The following SGCZ variants were observed in gnomAD, a reference collection of about 807,000 sequenced individuals.
The protein encoded by SGCZ is sarcoglycan zeta, also known as zeta-sarcoglycan.
In SGCZ, 40 loss-of-function variants were observed where a neutral mutation model predicts 41.3. That is an observed-to-expected ratio of 0.97 (90% CI 0.75 to 1.26). SGCZ has a LOEUF of 1.26. Among genes scored for constraint, SGCZ ranks in the 50% most tolerant of loss-of-function variants. SGCZ has a pLI of 0.00. For synonymous variants in SGCZ, 206 were observed against 137.5 expected (o/e 1.50, Z -3.49); for missense variants, 552 against 369.8 (o/e 1.49, Z -4.04).
chr8:14,519,277 T>C (rs1419352935), intron 2 of SGCZ, among the ~76,000 whole-genome samples: 1 of 152,082 alleles, frequency 6.6e-6, no homozygotes. Context: ...ATGTGCAGTA[T>C]CAAAATGGAT....
At chr8:14,755,242 A>C (rs369433758) in intron 1 of SGCZ, among the ~76,000 whole-genome samples, 1 of 152,250 alleles carries the variant, frequency 6.6e-6, no homozygotes, top group African/African-American at 2.4e-5. Context: ...TTAAAAAAAA[A>C]CAGCATTTGT....
intron 1 of SGCZ, among the ~76,000 whole-genome samples, chr8:14,747,119 G>C (rs192256838): frequency 6.6e-5 from 10 of 152,202 alleles, no homozygotes; most frequent in Non-Finnish European, 1.0e-4. Context: ...TCACTCTTAC[G>C]GTTAGGATTA....
At chr8:14,094,156 A>G (rs1801772903) in intron 7 of SGCZ, among the ~76,000 whole-genome samples, 1 of 152,076 alleles carries the variant, frequency 6.6e-6, no homozygotes, top group African/African-American at 2.4e-5. Flanking sequence ...GATTTTTTTA[A>G]CTATACTTTA....
chr8:14,305,077 T>A (rs1438459239), intron 3 of SGCZ, among the ~76,000 whole-genome samples: 1 of 152,200 alleles, frequency 6.6e-6, no homozygotes, highest in East Asian at 1.9e-4. Flanking sequence ...TAACTTACAG[T>A]GTTTTAATAT....
intron 1 of SGCZ, among the ~76,000 whole-genome samples, chr8:14,832,900 TA>T (rs1204664324): frequency 6.6e-6 from 1 of 152,178 alleles, no homozygotes; most frequent in Admixed American, 6.5e-5. Context: ...TTAACTATAA[TA>T]TCTTGCCAAA....
intron 1 of SGCZ, among the ~76,000 whole-genome samples, chr8:15,189,859 A>G (rs1230070286): frequency 1.3e-5 from 2 of 152,002 alleles, no homozygotes; most frequent in Non-Finnish European, 2.9e-5. Context: ...CCCTTGAAGC[A>G]TTTTTCCAAG....
At chr8:14,326,308 T>A (rs765146194) in intron 2 of SGCZ, among the ~76,000 whole-genome samples, 1 of 151,758 alleles carries the variant, frequency 6.6e-6, no homozygotes, top group African/African-American at 2.4e-5. Context: ...GGGAATATAA[T>A]GGCCTAACCC....
intron 4 of SGCZ, among the ~76,000 whole-genome samples, chr8:14,209,115 C>A (rs938408599): frequency 9.2e-5 from 14 of 152,182 alleles, no homozygotes; most frequent in Admixed American, 3.3e-4. Context: ...GCAGAAAACA[C>A]GGCGCCAGCC....
chr8:14,111,676 G>T (rs1015661782), intron 5 of SGCZ, among the ~76,000 whole-genome samples: 2 of 152,092 alleles, frequency 1.3e-5, no homozygotes, highest in African/African-American at 4.8e-5. Flanking sequence ...TATACTGTTG[G>T]CTACTGCAAT....
intron 1 of SGCZ, among the ~76,000 whole-genome samples, chr8:15,218,682 A>G (rs963654529): frequency 6.6e-6 from 1 of 152,146 alleles, no homozygotes; most frequent in African/African-American, 2.4e-5. Flanking sequence ...CAGCCCAATC[A>G]TGTTTCACTC....
chr8:14,185,157 T>C (rs893516889), intron 4 of SGCZ, among the ~76,000 whole-genome samples: 8 of 152,140 alleles, frequency 5.3e-5, no homozygotes, highest in Non-Finnish European at 1.2e-4. Flanking sequence ...ATCCCAGCAC[T>C]TTGGGAGGCC....
chr8:14,625,089 CTTAT>C (rs1806409735), intron 1 of SGCZ, among the ~76,000 whole-genome samples: 1 of 152,028 alleles, frequency 6.6e-6, no homozygotes, highest in Admixed American at 6.6e-5. Context: ...CTGTTGTCAT[CTTAT>C]TTGACAGTTA....
Position 14,108,224 on chromosome 8 carries a change from C to G in SGCZ, c.559G>C (p.Ala187Pro). 6.2e-7 allele frequency: 1 copy of G among 1,614,096 alleles called. No homozygotes were observed. Among genetic ancestry groups the G allele is most frequent in the Non-Finnish European group, 8.5e-7 (1 of 1,180,008 alleles). ...GTCTCCACAGAGTGCCCAAATACGG[C>G]TCCTTCAGTGCCTGGGGGTAGCATG... ...EKLKVTGTEG[A>P]VFGHSVETPH... The change falls in exon 6 of 8, where the codon GCC becomes CCC. Residue 187 changes from alanine (A) to proline (P), a missense_variant. Coordinates refer to ENST00000382080, the MANE Select transcript of SGCZ (RefSeq NM_139167.4).
intron 1 of SGCZ, among the ~76,000 whole-genome samples, chr8:15,001,722 C>A (rs1204407501): frequency 8.2e-6 from 1 of 121,476 alleles, no homozygotes; most frequent in Middle Eastern, 4.8e-3. Flanking sequence ...GAGCAAGACT[C>A]CGTCTCAAAA....
chr8:14,090,562 A>C lies in SGCZ; in HGVS notation c.820T>G (p.Ser274Ala). 1.2e-6 allele frequency: 2 copies of C among 1,613,048 alleles called. No homozygotes were observed. Among genetic ancestry groups the C allele is most frequent in the Non-Finnish European group, 1.7e-6 (2 of 1,179,446 alleles). Residue 274 changes from serine (S) to alanine (A), a missense_variant, in exon 8 of 8, where the codon TCA becomes GCA. Physicochemically the swap from Ser to Ala is moderately conservative, Grantham distance 99. Transcript: ENST00000382080. ...TCATACACTGTCTGTCGAGAACTTG[A>C]GGAGCTGGGTGAAGAAGATGAGAAG... ...GSFSSSSPSS[S>A]SSRQTVYELC...
intron 7 of SGCZ, among the ~76,000 whole-genome samples, chr8:14,096,533 G>A (rs187677757): frequency 1.3e-5 from 2 of 152,102 alleles, no homozygotes; most frequent in African/African-American, 2.4e-5. Flanking sequence ...TTTTCGAATC[G>A]ATGTTCATCA....
rs1372063466 is a variant in SGCZ, at chr8:14,087,636, A to C, written c.*2807T>G. Among the ~76,000 whole-genome samples the C allele has an allele frequency of 1.3e-5, 2 of 151,692 alleles. No homozygotes were observed. Among genetic ancestry groups the C allele is most frequent in the African/African-American group, 4.8e-5 (2 of 41,354 alleles). On this transcript the variant is annotated 3_prime_UTR_variant, in exon 8 of 8. Transcript: ENST00000382080. ...TATAAGTAAACTGCATTTTATTTATACATATTGTAACATAAAGATGGTACT... is the reference window on the plus strand; with the variant it reads ...TATAAGTAAACTGCATTTTATTTATCCATATTGTAACATAAAGATGGTACT...
intron 5 of SGCZ, among the ~76,000 whole-genome samples, chr8:14,121,248 C>T (rs1216824886): frequency 6.6e-6 from 1 of 151,658 alleles, no homozygotes; most frequent in Non-Finnish European, 1.5e-5. Flanking sequence ...ATATTATATT[C>T]AGTATTGAAT....
At chr8:14,478,283 A>C (rs925813371) in intron 2 of SGCZ, among the ~76,000 whole-genome samples, 4 of 152,244 alleles carry the variant, frequency 2.6e-5, no homozygotes, top group Non-Finnish European at 5.9e-5. Flanking sequence ...GTAAGCAACC[A>C]AGATGTCCCT....
Sources: allele counts gnomAD v4.1 joint callset (sites outside exome capture counted in the v4.1 genomes callset), GRCh38; gene constraint gnomAD v4.1.1; transcripts MANE v1.5; gene names NCBI Gene and HGNC (gene_info 2026-07-23, HGNC 2026-07-21).